The following RIMS2 variants were observed in gnomAD, a reference collection of about 807,000 sequenced individuals.
RIMS2 encodes the protein regulating synaptic membrane exocytosis protein 2.
RIMS2 carries 59 observed loss-of-function variants against 174.4 expected under a neutral mutation model. The observed-to-expected ratio is 0.34, with a 90% CI of 0.27 to 0.42. The LOEUF is 0.42. Among genes scored for constraint, RIMS2 ranks in the 10% least tolerant of loss-of-function variants. The pLI is 1.00. For missense variants in RIMS2, 1,620 were observed against 1,666.3 expected, an observed-to-expected ratio of 0.97 and a Z score of 0.48; for synonymous variants, 606 against 572.5, an observed-to-expected ratio of 1.06 and a Z score of -0.84.
At chr8:104,206,145 T>G (rs2099079100) in intron 19 of RIMS2, among the ~76,000 whole-genome samples, 1 of 152,206 alleles carries the variant, frequency 6.6e-6, no homozygotes, top group African/African-American at 2.4e-5. Flanking sequence ...AAATTTTAGG[T>G]TGCCTCATGA....
At chr8:104,046,889 A>C (rs1215059076) in intron 19 of RIMS2, among the ~76,000 whole-genome samples, 1 of 151,394 alleles carries the variant, frequency 6.6e-6, no homozygotes. Context: ...AGTATATAGG[A>C]ATATTTTATA....
chr8:103,652,614 A>G lies in RIMS2; in HGVS notation c.177-44472A>G. On this transcript the variant is annotated intron_variant, in intron 1 of 23. Transcript: ENST00000504942. ...GGTTATTCAGTCACATTATTTGCTTATTTAAACAGGTGGTTTCCCTTTAGT... is the reference window on the plus strand; with the variant it reads ...GGTTATTCAGTCACATTATTTGCTTGTTTAAACAGGTGGTTTCCCTTTAGT... 7.5e-7 allele frequency: 1 copy of G among 1,328,872 alleles called. No homozygotes were observed. Among genetic ancestry groups the G allele is most frequent in the Non-Finnish European group, 1.0e-6 (1 of 1,002,818 alleles). 82.3% of individuals were successfully genotyped at this position (1,328,872 alleles called of 1,614,324 possible).
intron 19 of RIMS2, among the ~76,000 whole-genome samples, chr8:104,180,314 A>G (rs978810457): frequency 2.0e-5 from 3 of 149,378 alleles, no homozygotes; most frequent in Non-Finnish European, 3.0e-5. Context: ...GAGAGAACTT[A>G]TTTTTGCCCA....
chr8:103,926,652 G>A (rs1037500491), intron 10 of RIMS2, among the ~76,000 whole-genome samples: 4 of 151,510 alleles, frequency 2.6e-5, no homozygotes, highest in Non-Finnish European at 5.9e-5. Context: ...AAAGAGAGAA[G>A]CCTTTAACTA....
chr8:103,846,684 G>A (rs939494269), intron 3 of RIMS2, among the ~76,000 whole-genome samples: 3 of 152,132 alleles, frequency 2.0e-5, no homozygotes, highest in African/African-American at 7.2e-5. Context: ...ACCAGTCAGA[G>A]CCAGTTGCCT....
At position 104,179,168 on chromosome 8, in the gene RIMS2, A is replaced by G. The variant is rs569519746; in HGVS notation, c.3335-65748A>G. On this transcript the variant is annotated intron_variant, in intron 19 of 23. Transcript: ENST00000504942. ...GGAGCCTGGGCATAACAATAAGAAT[A>G]CCTCAGGTTAATCTATAAAAACTTC... Among the ~76,000 whole-genome samples, 15 of 152,094 alleles carry G rather than the reference A, an allele frequency of 9.9e-5. No individual in the cohort carries two copies. In the South Asian group the frequency reaches 3.1e-3, roughly 32 times the overall value.
At chr8:103,589,998 G>T (rs1410826132) in intron 1 of RIMS2, among the ~76,000 whole-genome samples, 1 of 151,158 alleles carries the variant, frequency 6.6e-6, no homozygotes, top group East Asian at 1.9e-4. Flanking sequence ...TAGAAATAAT[G>T]AATAAGATCT....
intron 3 of RIMS2, among the ~76,000 whole-genome samples, chr8:103,785,626 G>C (rs1326815401): frequency 6.6e-6 from 1 of 152,086 alleles, no homozygotes; most frequent in Non-Finnish European, 1.5e-5. Flanking sequence ...AAGCCCACTT[G>C]ATCATGGTGG....
At chr8:103,781,830 C>T (rs148110746) in intron 3 of RIMS2, among the ~76,000 whole-genome samples, 85 of 149,018 alleles carry the variant, frequency 5.7e-4, no homozygotes, top group Middle Eastern at 3.5e-3. Flanking sequence ...TCACTGCAAC[C>T]TCTGCCTCCC....
intron 19 of RIMS2, among the ~76,000 whole-genome samples, chr8:104,157,986 A>T (rs2134462911): frequency 6.6e-6 from 1 of 152,290 alleles, no homozygotes; most frequent in Middle Eastern, 3.4e-3. Context: ...ATAGGTATAC[A>T]TGTGCCATGT....
chr8:103,977,430 C>T (rs969006655), intron 16 of RIMS2: 4 of 152,094 alleles, frequency 2.6e-5, no homozygotes, highest in Non-Finnish European at 5.9e-5. Context: ...GAACCCTTCC[C>T]TCCTCTAGGA....
chr8:103,543,518 A>G (rs946943230), intron 1 of RIMS2, among the ~76,000 whole-genome samples: 2 of 152,214 alleles, frequency 1.3e-5, no homozygotes, highest in African/African-American at 2.4e-5. Flanking sequence ...AAAGATATTT[A>G]TGGAACTGCA....
chr8:103,898,284 A>T (rs2099302776), intron 4 of RIMS2, among the ~76,000 whole-genome samples: 1 of 151,640 alleles, frequency 6.6e-6, no homozygotes, highest in African/African-American at 2.4e-5. Flanking sequence ...GTCTTTTTGG[A>T]CTGTATTATG....
At chr8:104,161,736 G>A (rs2511635) in intron 19 of RIMS2, among the ~76,000 whole-genome samples, 23,865 of 152,100 alleles carry the variant, frequency 0.16, 2,856 homozygotes, top group East Asian at 0.57. Context: ...TCTGCTCTGT[G>A]TCTCACAAGA....
At chr8:103,707,789 C>T (rs1444089773) in intron 2 of RIMS2, among the ~76,000 whole-genome samples, 1 of 152,184 alleles carries the variant, frequency 6.6e-6, no homozygotes, top group Non-Finnish European at 1.5e-5. Context: ...CTGATGTTTA[C>T]TTAAGGCTAA....
intron 1 of RIMS2, among the ~76,000 whole-genome samples, chr8:103,554,038 C>T (rs1849296632): frequency 6.6e-6 from 1 of 152,082 alleles, no homozygotes; most frequent in East Asian, 1.9e-4. Context: ...ATACCTTATA[C>T]AAATAGCAAC....
At chr8:104,158,644 A>AT in intron 19 of RIMS2, among the ~76,000 whole-genome samples, 1 of 152,234 alleles carries the variant, frequency 6.6e-6, no homozygotes, top group African/African-American at 2.4e-5. Flanking sequence ...TTCTCTGATG[A>AT]CCAGTGATGA....
In RIMS2 at chr8:103,860,299, T is replaced by C. The variant is rs1410500297; in HGVS notation, c.699-24999T>C. Among the ~76,000 whole-genome samples the C allele has an allele frequency of 3.9e-5, 6 of 152,300 alleles. No homozygotes were observed. The East Asian group carries it at 9.6e-4, about 24-fold the overall frequency. On this transcript the variant is annotated intron_variant, in intron 3 of 23. Coordinates refer to ENST00000504942, the Ensembl canonical transcript of RIMS2. ...CCCAAATTTAGGCTTTGTTACTCCT[T>C]AGTGGTTCATCTTTTACTTAAGTAC...
intron 1 of RIMS2, among the ~76,000 whole-genome samples, chr8:103,601,640 T>A (rs2094749305): frequency 1.3e-5 from 2 of 152,158 alleles, no homozygotes; most frequent in South Asian, 4.1e-4. Context: ...GTCTTTTGAT[T>A]GGAAAGTTTA....
Sources: gnomAD v4.1 joint callset for allele counts (sites outside exome capture counted in the v4.1 genomes callset) on GRCh38, gnomAD v4.1.1 for gene constraint, MANE v1.5 for transcripts, NCBI Gene and HGNC (gene_info 2026-07-23, HGNC 2026-07-21) for gene names.